The following DENND1A variants were observed in gnomAD, a reference collection of about 807,000 sequenced individuals.
DENND1A encodes DENN domain-containing protein 1A.
Under a neutral mutation model 113.7 loss-of-function variants are expected in DENND1A, and 51 were observed. That is an observed-to-expected ratio of 0.45 (90% CI 0.36 to 0.57). The LOEUF is 0.57. DENND1A is among the 20% of genes least tolerant of loss of function. The pLI, the probability that DENND1A is intolerant of heterozygous loss-of-function variation, is 0.00. For missense variants in DENND1A, 1,258 were observed against 1,395.9 expected (o/e 0.90, Z 1.57); for synonymous variants, 565 against 570.8 (o/e 0.99, Z 0.14).
chr9:123,395,468 C>CTCTCTGTGTG (rs367751848), intron 21 of DENND1A, among the ~76,000 whole-genome samples: 107 of 142,982 alleles, frequency 7.5e-4, no homozygotes, highest in South Asian at 1.8e-3. Context: ...CTCTCTCTCT[C>CTCTCTGTGTG]TGTGTGTGTG....
chr9:123,903,164 C>CTACTAAAAATA lies in DENND1A; in HGVS notation c.18-24154_18-24144dup, dbSNP rs1852004940. Among the ~76,000 whole-genome samples, 12 of 150,810 alleles carry CTACTAAAAATA rather than the reference C, an allele frequency of 8.0e-5. No individual in the cohort carries two copies. In the South Asian group the frequency reaches 2.5e-3, roughly 32 times the overall value. On this transcript the variant is annotated intron_variant, in intron 1 of 23. Coordinates refer to ENST00000394215, the MANE Select transcript of DENND1A (RefSeq NM_001352964.2). ...CGGCTAAAACGGTGAAACCCCATCT[C>CTACTAAAAATA]TACTAAAAATACAAAAAATTAGCCG...
intron 9 of DENND1A, among the ~76,000 whole-genome samples, chr9:123,645,480 C>A (rs2062268495): frequency 6.6e-6 from 1 of 152,080 alleles, no homozygotes. Context: ...TAAAAGGCAA[C>A]AATTGGGAAA....
intron 1 of DENND1A, among the ~76,000 whole-genome samples, chr9:123,902,023 T>A (rs540861860): frequency 1.3e-5 from 2 of 151,746 alleles, no homozygotes; most frequent in African/African-American, 4.8e-5. Context: ...AATAAATAAA[T>A]AAAAATAAAG....
chr9:123,450,645 G>A (rs185481095), intron 18 of DENND1A, 48 bp downstream of exon 18: 6 of 1,522,256 alleles, frequency 3.9e-6, no homozygotes, highest in Middle Eastern at 3.4e-4. Context: ...TTGTGGCCAT[G>A]CATTTCATAC....
intron 13 of DENND1A, among the ~76,000 whole-genome samples, chr9:123,484,122 C>T (rs1241486877): frequency 2.0e-5 from 3 of 152,204 alleles, no homozygotes; most frequent in Non-Finnish European, 2.9e-5. Flanking sequence ...CTGAAAGTTT[C>T]TCATTCAGAA....
intron 13 of DENND1A, among the ~76,000 whole-genome samples, chr9:123,538,749 AGTGTGTGTGTGTGTGTGT>A (rs145062895): frequency 1.1e-5 from 1 of 91,026 alleles, no homozygotes; most frequent in Non-Finnish European, 2.3e-5. Context: ...TATGTGTGTG[AGTGTGTGTGTGTGTGTGT>A]GTGTGTGTGT....
chr9:123,920,302 G>A (rs1333870206), intron 1 of DENND1A, among the ~76,000 whole-genome samples: 1 of 151,904 alleles, frequency 6.6e-6, no homozygotes, highest in Non-Finnish European at 1.5e-5. Flanking sequence ...ATGGTGGCAG[G>A]TGCCTGTAAT....
At chr9:123,473,030 T>C (rs2049577499) in intron 13 of DENND1A, among the ~76,000 whole-genome samples, 1 of 152,240 alleles carries the variant, frequency 6.6e-6, no homozygotes, top group South Asian at 2.1e-4. Flanking sequence ...GTAGCATTTA[T>C]TGCCATGCAT....
At chr9:123,387,915 C>T in intron 21 of DENND1A, 57 bp from the exon 22 acceptor site, 1 of 1,271,170 alleles carries the variant, frequency 7.9e-7, no homozygotes, top group South Asian at 1.2e-5. Flanking sequence ...GCCCTCAGAA[C>T]TTCACGTGCA....
At chr9:123,552,018 C>CGAGAGAGAGAGAGAGAGAGAGAGA (rs10657747) in intron 13 of DENND1A, among the ~76,000 whole-genome samples, 1 of 118,570 alleles carries the variant, frequency 8.4e-6, no homozygotes, top group Non-Finnish European at 1.8e-5. Flanking sequence ...AGAGCGAGAG[C>CGAGAGAGAGAGAGAGAGAGAGAGA]GAGAGAGAGA....
chr9:123,557,672 C>T lies in DENND1A; in HGVS notation c.891G>A (p.Leu297=). 1 of 1,613,978 alleles carries T rather than the reference C, an allele frequency of 6.2e-7. No individual in the cohort carries two copies. The highest frequency in any genetic ancestry group is 8.5e-7 in the Non-Finnish European group (1 of 1,179,922). Residue 297 remains leucine, a synonymous_variant, in exon 13 of 24, where the codon CTG becomes CTA. Transcript: ENST00000394215. ...NDVISSLKNR[L]KKVSTTTGDG... is the part of the protein sequence containing the mutation. ...CCCCAGTGGTTGTGGAGACCTTTTT[C>T]AGCCTGTTCTTCAGGGAAGAGATCT...
chr9:123,494,159 C>G (rs1204838655), intron 13 of DENND1A, among the ~76,000 whole-genome samples: 2 of 152,176 alleles, frequency 1.3e-5, no homozygotes, highest in Non-Finnish European at 2.9e-5. Context: ...TCACCTTGTA[C>G]TGCTGGAAGA....
intron 14 of DENND1A, 94 bp downstream of exon 14, chr9:123,457,699 C>A: frequency 8.2e-7 from 1 of 1,226,864 alleles, no homozygotes; most frequent in South Asian, 1.4e-5. Context: ...GCCTGAGTCC[C>A]ATCCATGCCT....
chr9:123,715,814 C>T (rs28482775), intron 5 of DENND1A, among the ~76,000 whole-genome samples: 11,932 of 151,996 alleles, frequency 0.079, 667 homozygotes, highest in African/African-American at 0.15. Context: ...GTAGCTGGGA[C>T]GAGAGGCGGC....
At chr9:123,783,954 A>G (rs1367986474) in intron 3 of DENND1A, among the ~76,000 whole-genome samples, 1 of 152,234 alleles carries the variant, frequency 6.6e-6, no homozygotes, top group African/African-American at 2.4e-5. Flanking sequence ...CTAAGGCTGA[A>G]GTGACTAATT....
intron 11 of DENND1A, among the ~76,000 whole-genome samples, chr9:123,606,703 A>T (rs2060168332): frequency 6.6e-6 from 1 of 152,182 alleles, no homozygotes; most frequent in Non-Finnish European, 1.5e-5. Context: ...CATTCACTCA[A>T]CGCTTCTTTT....
intron 5 of DENND1A, among the ~76,000 whole-genome samples, chr9:123,721,677 T>C (rs1353916180): frequency 1.3e-5 from 2 of 152,182 alleles, no homozygotes; most frequent in Non-Finnish European, 2.9e-5. Context: ...TCTCATGAGA[T>C]CTAATGGCTA....
At chr9:123,895,681 T>C (rs574111904) in intron 1 of DENND1A, among the ~76,000 whole-genome samples, 40 of 151,048 alleles carry the variant, frequency 2.6e-4, no homozygotes, top group African/African-American at 8.5e-4. Flanking sequence ...TAAGTGAAGA[T>C]AGAAACCTAA....
intron 2 of DENND1A, among the ~76,000 whole-genome samples, chr9:123,844,862 T>C (rs1842355867): frequency 3.3e-5 from 5 of 152,186 alleles, no homozygotes; most frequent in Admixed American, 3.3e-4. Flanking sequence ...AGCATTAGGA[T>C]ATGAACAGGA....
Sources: gnomAD v4.1 joint callset for allele counts (sites outside exome capture counted in the v4.1 genomes callset) on GRCh38, gnomAD v4.1.1 for gene constraint, MANE v1.5 for transcripts, NCBI Gene and HGNC (gene_info 2026-07-23, HGNC 2026-07-21) for gene names.